The following DCXR variants were observed in gnomAD, a reference collection of about 807,000 sequenced individuals.
DCXR encodes dicarbonyl and L-xylulose reductase, also known as L-xylulose reductase.
Under a neutral mutation model 25.9 loss-of-function variants are expected in DCXR, and 24 were observed. That is an observed-to-expected ratio of 0.93 (90% CI 0.67 to 1.30). The LOEUF (loss-of-function observed/expected upper bound fraction) is 1.30. DCXR is among the 50% of genes most tolerant of loss of function. The probability of loss-of-function intolerance (pLI) is 0.00; values close to 1 mark genes in which losing one functional copy is unlikely to be tolerated. For synonymous variants in DCXR, 161 were observed against 141.7 expected (o/e 1.14, Z -0.97); for missense variants, 348 against 333.7 (o/e 1.04, Z -0.33).
In DCXR at chr17:82,036,182, C is replaced by A. The variant is rs1347361126; in HGVS notation, c.631+9G>T. On this transcript the variant is annotated intron_variant, in intron 7 of 7. Coordinates refer to ENST00000306869, the MANE Select transcript of DCXR (RefSeq NM_016286.4). ...GGCACCACGCTGGCTGGGCTCCCAC[C>A]TGACTCACCAGCAAACTTGCCAAGT... 6.2e-7 allele frequency: 1 copy of A among 1,613,100 alleles called. No individual in the cohort carries two copies. The highest frequency in any genetic ancestry group is 1.7e-5 in the Admixed American group (1 of 59,976).
rs1459159709 is a variant in DCXR, at chr17:82,036,935, C to T, written c.229G>A (p.Val77Met). The change falls in exon 3 of 8, where the codon GTG becomes ATG. Residue 77 changes from valine to methionine, a missense_variant. Physicochemically the swap from Val to Met is conservative, Grantham distance 21. Transcript: ENST00000306869. ...TERALGSVGP[V>M]DLLVNNAAVA... Reference sequence around the variant, plus strand: ...GCGGCGTTGTTCACCAGCAGGTCCACGGGGCCCACGCTGCCCAGCGCCCGC... The same window carrying T: ...GCGGCGTTGTTCACCAGCAGGTCCATGGGGCCCACGCTGCCCAGCGCCCGC... 3.1e-6 allele frequency: 5 copies of T among 1,610,934 alleles called. No homozygotes were observed. Among genetic ancestry groups the T allele is most frequent in the South Asian group, 1.1e-5 (1 of 90,724 alleles).
At chr17:82,036,801 GC>G in intron 3 of DCXR, 38 bp from the exon 4 acceptor site, 1 of 1,613,504 alleles carries the variant, frequency 6.2e-7, no homozygotes, top group Non-Finnish European at 8.5e-7. Flanking sequence ...AGAGATTAGG[GC>G]TGCTGCGTCC....
intron 1 of DCXR, 32 bp from the exon 2 acceptor site, chr17:82,037,579 C>T: frequency 6.5e-7 from 1 of 1,545,542 alleles, no homozygotes; most frequent in South Asian, 1.2e-5. Context: ...AAGGCGTCCC[C>T]TGCCCGCCTC....
chr17:82,035,887 G>A lies in DCXR; in HGVS notation c.*73C>T. ...CTAGGAATAGCACATAGTCTGGGCAGCAGAATCAGGTTTATTGGAGGGATT... is the reference window on the plus strand; with the variant it reads ...CTAGGAATAGCACATAGTCTGGGCAACAGAATCAGGTTTATTGGAGGGATT... On this transcript the variant is annotated 3_prime_UTR_variant, in exon 8 of 8. Coordinates refer to ENST00000306869, the MANE Select transcript of DCXR (RefSeq NM_016286.4). The A allele has an allele frequency of 7.4e-7, 1 of 1,352,386 alleles. No individual in the cohort carries two copies. The highest frequency in any genetic ancestry group is 1.0e-6 in the Non-Finnish European group (1 of 955,146). 83.8% of individuals were successfully genotyped at this position (1,352,386 alleles called of 1,614,324 possible). A position where few individuals can be genotyped will look rare whatever the true frequency, so the allele number is the denominator to read the frequency against.
At chr17:82,037,197 G>T in intron 2 of DCXR, 184 bp from the exon 3 acceptor site, 1 of 878,578 alleles carries the variant, frequency 1.1e-6, no homozygotes, top group Non-Finnish European at 1.7e-6. Context: ...GCGCCCGAGC[G>T]ACTCCTGCCC....
rs1318148230 is a variant in DCXR at position 82,037,653 on chromosome 17, C to T, written c.30G>A (p.Val10=). 6.4e-5 allele frequency: 102 copies of T among 1,590,330 alleles called. No individual in the cohort carries two copies. In the East Asian group the frequency reaches 2.2e-3, roughly 35 times the overall value. The change falls in exon 1 of 8, where the codon GTG becomes GTA. Residue 10 remains valine (V), a synonymous_variant. Transcript: ENST00000306869. ...CACCTTTGCCTGCCCCGGTGACCAGCACCCGGCGGCCCGCGAGGAACAGCT... is the reference window on the plus strand; with the variant it reads ...CACCTTTGCCTGCCCCGGTGACCAGTACCCGGCGGCCCGCGAGGAACAGCT... MELFLAGRR[V]LVTGAGKGIG... is the part of the protein sequence containing the mutation.
Position 82,036,959 on chromosome 17 carries a change from G to T in DCXR, c.205C>A (p.Arg69=), listed in dbSNP as rs140788638. 3 of 1,597,352 alleles carry T rather than the reference G, an allele frequency of 1.9e-6. No individual in the cohort carries two copies. Among genetic ancestry groups the T allele is most frequent in the Non-Finnish European group, 2.6e-6 (3 of 1,172,734 alleles). ...VDLGDWEATE[R]ALGSVGPVDL... The stretch of plus-strand genomic sequence containing the variant: ...ACGGGGCCCACGCTGCCCAGCGCCC[G>T]CTCGGTGGCCTCCCAGTCACCCAGG... Residue 69 remains arginine, a synonymous_variant, in exon 3 of 8, where the codon CGG becomes AGG. Coordinates refer to ENST00000306869, the MANE Select transcript of DCXR (RefSeq NM_016286.4).
At position 82,036,366 on chromosome 17, in the gene DCXR, T is replaced by G; in HGVS notation, c.513+18A>C. ...GTGGGGTGTCCTAGGTTGGGGGAGG[T>G]ACCCCAGCCCTGCTCACCTTGTGGG... On this transcript the variant is annotated intron_variant, in intron 6 of 7. Coordinates refer to ENST00000306869, the MANE Select transcript of DCXR (RefSeq NM_016286.4). 1 of 1,612,910 alleles carries G rather than the reference T, an allele frequency of 6.2e-7. No homozygotes were observed. Among genetic ancestry groups the G allele is most frequent in the Non-Finnish European group, 8.5e-7 (1 of 1,179,888 alleles).
At chr17:82,037,158 G>T in intron 2 of DCXR, 145 bp from the exon 3 acceptor site, 2 of 1,091,188 alleles carry the variant, frequency 1.8e-6, no homozygotes, top group South Asian at 3.0e-5. Context: ...GCAGCCGGGC[G>T]CTACCTCCGG....
intron 2 of DCXR, 138 bp from the exon 3 acceptor site, chr17:82,037,151 G>T (rs1270299323): frequency 8.8e-5 from 103 of 1,170,058 alleles, no homozygotes; most frequent in Non-Finnish European, 1.2e-5. Flanking sequence ...GGGGCCAGCA[G>T]CCGGGCGCTA....
Position 82,037,415 on chromosome 17 carries a change from G to A in DCXR, c.150+35C>T, listed in dbSNP as rs1433233123. ...GCTCGCTGCCGCCCCCTCCTGGCTC[G>A]CCGCCTCGCAGCGCTGGGACCCGGC... On this transcript the variant is annotated intron_variant, in intron 2 of 7. Transcript: ENST00000306869. 3 of 1,511,138 alleles carry A rather than the reference G, an allele frequency of 2.0e-6. No homozygotes were observed. Among genetic ancestry groups the A allele is most frequent in the East Asian group, 2.6e-5 (1 of 38,224 alleles). 93.6% of individuals were successfully genotyped at this position (1,511,138 alleles called of 1,614,324 possible).
Position 82,036,770 on chromosome 17 carries a change from G to A in DCXR, c.306-7C>T, listed in dbSNP as rs377435527. 84 of 1,613,508 alleles carry A rather than the reference G, an allele frequency of 5.2e-5. No individual in the cohort carries two copies. The highest frequency in any genetic ancestry group is 6.4e-5 in the Non-Finnish European group (75 of 1,180,028). On this transcript the variant is annotated splice_region_variant and splice_polypyrimidine_tract_variant and intron_variant, in intron 3 of 7. Transcript: ENST00000306869. ...CAGGTTCACCTCAAAGGATCTAGAG[G>A]CCGAGGGACAGACCCTGGTCAGAGA...
chr17:82,035,979 C>G lies in DCXR; in HGVS notation c.716G>C (p.Gly239Ala), dbSNP rs2043486011. ...GGGAGCTCAGCAGGCCCAGAAGCCCCCTTCCACCGGCAAAGTGGAACCCGT... is the reference window on the plus strand; with the variant it reads ...GGGAGCTCAGCAGGCCCAGAAGCCCGCTTCCACCGGCAAAGTGGAACCCGT... ...MTTGSTLPVE[G>A]GFWAC is the part of the protein sequence containing the mutation. Residue 239 changes from glycine (G) to alanine (A), a missense_variant, in exon 8 of 8, where the codon GGG (glycine) becomes GCG (alanine). By Grantham distance (60) the Gly-to-Ala change is moderately conservative (BLOSUM62 0). Coordinates refer to ENST00000306869, the MANE Select transcript of DCXR (RefSeq NM_016286.4). 1 of 1,613,148 alleles carries G rather than the reference C, an allele frequency of 6.2e-7. No individual in the cohort carries two copies. Among genetic ancestry groups the G allele is most frequent in the Non-Finnish European group, 8.5e-7 (1 of 1,179,962 alleles).
rs1217451248 is a variant in DCXR, at chr17:82,036,183, T to G, written c.631+8A>C. On this transcript the variant is annotated splice_region_variant and intron_variant, in intron 7 of 7. Transcript: ENST00000306869. ...GCACCACGCTGGCTGGGCTCCCACC[T>G]GACTCACCAGCAAACTTGCCAAGTG... is the stretch of plus-strand genomic sequence containing the variant. The G allele has an allele frequency of 6.2e-7, 1 of 1,612,894 alleles. No individual in the cohort carries two copies. Among genetic ancestry groups the G allele is most frequent in the South Asian group, 1.1e-5 (1 of 91,022 alleles).
chr17:82,037,104 G>C lies in DCXR; in HGVS notation c.151-91C>G, dbSNP rs72861756. The C allele has an allele frequency of 4.0e-6, 6 of 1,501,828 alleles. No homozygotes were observed. The Admixed American group carries it at 9.9e-5, about 25-fold the overall frequency. The allele number at this position is 1,501,828 out of a possible 1,614,324, so 93.0% of individuals were successfully genotyped here. Reference sequence around the variant, plus strand: ...GGCTGGTGACCTTTCAGCCGGACAAGTAAAGGAGTTAGGAGTTCCGAAGGT... The same window carrying C: ...GGCTGGTGACCTTTCAGCCGGACAACTAAAGGAGTTAGGAGTTCCGAAGGT... On this transcript the variant is annotated intron_variant, in intron 2 of 7. Transcript: ENST00000306869.
In DCXR at chr17:82,036,887, G is replaced by C; in HGVS notation, c.277C>G (p.Leu93Val). 1 of 1,613,184 alleles carries C rather than the reference G, an allele frequency of 6.2e-7. No individual in the cohort carries two copies. The highest frequency in any genetic ancestry group is 8.5e-7 in the Non-Finnish European group (1 of 1,179,970). ...NAAVALLQPFLEVTKEAFDRS... is the reference protein window; with the variant it reads ...NAAVALLQPFVEVTKEAFDRS... ...TCAAAGGCCTCCTTGGTGACCTCCA[G>C]GAAGGGCTGCAGCAGGGCGACAGCG... is the stretch of plus-strand genomic sequence containing the variant. The change falls in exon 3 of 8, where the codon CTG becomes GTG. Residue 93 changes from leucine to valine, a missense_variant. By Grantham distance (32) the Leu-to-Val change is conservative (BLOSUM62 1). Transcript: ENST00000306869.
intron 7 of DCXR, 33 bp downstream of exon 7, chr17:82,036,158 G>A: frequency 6.2e-7 from 1 of 1,609,400 alleles, no homozygotes; most frequent in Non-Finnish European, 8.5e-7. Context: ...GGGACTGCTG[G>A]CACCACGCTG....
chr17:82,037,644 G>A lies in DCXR; in HGVS notation c.39C>T (p.Thr13=). 1 of 1,589,418 alleles carries A rather than the reference G, an allele frequency of 6.3e-7. No individual in the cohort carries two copies. Among genetic ancestry groups the A allele is most frequent in the Non-Finnish European group, 8.5e-7 (1 of 1,175,538 alleles). ...LFLAGRRVLV[T]GAGKGIGRGT... ...CCCGCCGCCCACCTTTGCCTGCCCC[G>A]GTGACCAGCACCCGGCGGCCCGCGA... The change falls in exon 1 of 8, where the codon ACC becomes ACT. Residue 13 remains threonine (T), a synonymous_variant. Coordinates refer to ENST00000306869, the MANE Select transcript of DCXR (RefSeq NM_016286.4).
chr17:82,037,265 T>A, intron 2 of DCXR, 185 bp downstream of exon 2: 1 of 889,930 alleles, frequency 1.1e-6, no homozygotes, highest in Non-Finnish European at 1.6e-6. Flanking sequence ...CCGGCGGCTC[T>A]GCCGACCACC....
Sources: gnomAD v4.1 joint callset for allele counts on GRCh38, gnomAD v4.1.1 for gene constraint, MANE v1.5 for transcripts, NCBI Gene and HGNC (gene_info 2026-07-23, HGNC 2026-07-21) for gene names.